Variants in LARP4B observed in about 807,000 individuals in gnomAD.
LARP4B encodes the protein la-related protein 4B.
A neutral mutation model predicts 89.8 loss-of-function variants in LARP4B; 12 were observed. That is an observed-to-expected ratio of 0.13 (90% confidence interval 0.09 to 0.22). The LOEUF is 0.22. LARP4B is among the 10% of genes least tolerant of loss of function. The pLI is 1.00. For missense variants in LARP4B, 757 were observed against 947.7 expected, an observed-to-expected ratio of 0.80 and a Z score of 2.64; for synonymous variants, 367 against 363.3, an observed-to-expected ratio of 1.01 and a Z score of -0.12.
intron 1 of LARP4B, among the ~76,000 whole-genome samples, chr10:911,439 G>C (rs568161666): frequency 6.6e-6 from 1 of 152,216 alleles, no homozygotes; most frequent in African/African-American, 2.4e-5. Context: ...ACCTTAAAAT[G>C]TGTTTGATCC....
intron 3 of LARP4B, among the ~76,000 whole-genome samples, chr10:876,381 G>A (rs995245482): frequency 1.3e-5 from 2 of 151,950 alleles, no homozygotes; most frequent in East Asian, 1.9e-4. Flanking sequence ...GCAAAACTCC[G>A]TCTCAGAAAA....
chr10:857,847 T>C (rs114155463), intron 5 of LARP4B, among the ~76,000 whole-genome samples: 173 of 152,288 alleles, frequency 1.1e-3, no homozygotes, highest in African/African-American at 4.0e-3. Flanking sequence ...AAATTCTAAA[T>C]GTCAATGGCC....
chr10:960,208 T>C, the LARP4B span, among the ~76,000 whole-genome samples: 1 of 151,730 alleles, frequency 6.6e-6, no homozygotes, highest in Admixed American at 6.6e-5. Context: ...AGATCAGTAA[T>C]AAGATGAGTG....
intron 7 of LARP4B, among the ~76,000 whole-genome samples, 187 bp from the exon 8 acceptor site, chr10:836,693 C>A (rs1588884657): frequency 6.6e-6 from 1 of 152,152 alleles, no homozygotes; most frequent in Non-Finnish European, 1.5e-5. Flanking sequence ...CCTGCAGGAG[C>A]CATAATGTAT....
chr10:928,249 T>A (rs1397079311), intron 1 of LARP4B, among the ~76,000 whole-genome samples: 2 of 151,562 alleles, frequency 1.3e-5, no homozygotes, highest in Non-Finnish European at 2.9e-5. Flanking sequence ...AAAAAACTTG[T>A]ACCTTTAACA....
intron 8 of LARP4B, among the ~76,000 whole-genome samples, chr10:832,998 A>C (rs1262764107): frequency 3.3e-5 from 5 of 152,132 alleles, no homozygotes; most frequent in Non-Finnish European, 2.9e-5. Flanking sequence ...GTAGAATTAG[A>C]ATGTGTGACA....
intron 1 of LARP4B, among the ~76,000 whole-genome samples, chr10:886,655 T>C (rs1405437222): frequency 6.6e-6 from 1 of 152,210 alleles, no homozygotes; most frequent in Non-Finnish European, 1.5e-5. Flanking sequence ...GGAAACCCCG[T>C]CGTATGCTAT....
At chr10:864,422 TTA>T in intron 3 of LARP4B, 152 bp from the exon 4 acceptor site, 1 of 596,886 alleles carries the variant, frequency 1.7e-6, no homozygotes, top group Non-Finnish European at 2.7e-6. Context: ...AGGTTCAAAA[TTA>T]AAAAAAAAAA....
At chr10:962,223 G>A in the LARP4B span, among the ~76,000 whole-genome samples, 1 of 150,338 alleles carries the variant, frequency 6.7e-6, no homozygotes, top group Admixed American at 6.6e-5. Context: ...TTGAACCCAG[G>A]AGGCAGAGGT....
chr10:974,417 C>T, the LARP4B span, among the ~76,000 whole-genome samples: 301 of 152,312 alleles, frequency 2.0e-3, no homozygotes, highest in African/African-American at 3.3e-3. Context: ...GTGGCAAATG[C>T]GTCTGAGTGT....
chr10:870,445 G>A (rs937469488), intron 3 of LARP4B, among the ~76,000 whole-genome samples: 1 of 152,214 alleles, frequency 6.6e-6, no homozygotes, highest in Admixed American at 6.5e-5. Context: ...CTGCATCGCA[G>A]GGGGCACCTG....
intron 1 of LARP4B, among the ~76,000 whole-genome samples, chr10:890,096 T>C (rs1243308177): frequency 6.6e-6 from 1 of 152,226 alleles, no homozygotes; most frequent in East Asian, 1.9e-4. Context: ...TTTAGGTACA[T>C]CTGAAAACAT....
chr10:913,860 G>C (rs974173372), intron 1 of LARP4B, among the ~76,000 whole-genome samples: 1 of 152,126 alleles, frequency 6.6e-6, no homozygotes, highest in Non-Finnish European at 1.5e-5. Context: ...AGTGAGTTGA[G>C]ATCAAGCCAC....
chr10:887,723 T>C (rs1028656351), intron 1 of LARP4B, among the ~76,000 whole-genome samples: 4 of 148,702 alleles, frequency 2.7e-5, no homozygotes, highest in Admixed American at 1.3e-4. Flanking sequence ...CAATAAAAAA[T>C]ACAAAATAAC....
chr10:910,658 G>A (rs1836642441), intron 1 of LARP4B, among the ~76,000 whole-genome samples: 1 of 152,220 alleles, frequency 6.6e-6, no homozygotes, highest in African/African-American at 2.4e-5. Flanking sequence ...TTCTGCCTCT[G>A]CCTCAGGGCC....
chr10:849,848 T>C (rs1017417067), intron 5 of LARP4B, among the ~76,000 whole-genome samples: 1 of 152,338 alleles, frequency 6.6e-6, no homozygotes, highest in Middle Eastern at 3.4e-3. Flanking sequence ...CAAATTCTAA[T>C]AGAAGAGAAT....
chr10:866,323 G>A (rs1227749677), intron 3 of LARP4B, among the ~76,000 whole-genome samples: 1 of 151,920 alleles, frequency 6.6e-6, no homozygotes, highest in African/African-American at 2.4e-5. Flanking sequence ...TTCATTTTTG[G>A]CCTCTGCTTC....
intron 3 of LARP4B, among the ~76,000 whole-genome samples, chr10:870,326 G>A (rs1371812909): frequency 6.6e-6 from 1 of 152,182 alleles, no homozygotes; most frequent in Non-Finnish European, 1.5e-5. Context: ...ATCCACTTTT[G>A]AGGGATGTTC....
chr10:890,535 T>C (rs1477828593), intron 1 of LARP4B, among the ~76,000 whole-genome samples: 1 of 152,180 alleles, frequency 6.6e-6, no homozygotes, highest in Non-Finnish European at 1.5e-5. Context: ...CTAGTATAAA[T>C]GCTATCGGGA....
Sources: gnomAD v4.1 joint callset for allele counts (sites outside exome capture counted in the v4.1 genomes callset) on GRCh38, gnomAD v4.1.1 for gene constraint, MANE v1.5 for transcripts, NCBI Gene and HGNC (gene_info 2026-07-23, HGNC 2026-07-21) for gene names.